VPS13B: variants seen among roughly 807,000 people sequenced by gnomAD.
VPS13B encodes the protein intermembrane lipid transfer protein VPS13B.
VPS13B carries 285 observed loss-of-function variants against 426.4 expected under a neutral mutation model. That is an observed-to-expected ratio of 0.67 (90% CI 0.61 to 0.74). The LOEUF (loss-of-function observed/expected upper bound fraction) is 0.74. Ranked by LOEUF, VPS13B falls within the 30% of genes least tolerant of loss-of-function variation. The pLI, the probability that VPS13B is intolerant of heterozygous loss-of-function variation, is 0.00. For missense variants in VPS13B, 4,537 were observed against 4,782.6 expected (o/e 0.95, Z 1.51); for synonymous variants, 1,676 against 1,676.4 (o/e 1.00, Z 0.01).
intron 2 of VPS13B, among the ~76,000 whole-genome samples, chr8:99,024,942 T>C (rs191301212): frequency 1.6e-4 from 24 of 152,338 alleles, no homozygotes; most frequent in Admixed American, 1.5e-3. Flanking sequence ...TTCTAATTTC[T>C]TTGTGTCTTC....
At chr8:99,785,727 G>A (rs1812224834) in intron 43 of VPS13B, among the ~76,000 whole-genome samples, 1 of 152,020 alleles carries the variant, frequency 6.6e-6, no homozygotes, top group Admixed American at 6.6e-5. Flanking sequence ...ACAAAAGTGA[G>A]AGCATACAGG....
intron 19 of VPS13B, among the ~76,000 whole-genome samples, chr8:99,383,479 GATGTA>G (rs1474631747): frequency 1.3e-5 from 2 of 152,074 alleles, no homozygotes; most frequent in Admixed American, 1.3e-4. Context: ...CTTTTAATGA[GATGTA>G]ATTCACTTTC....
At chr8:99,820,748 A>G (rs1373030082) in intron 49 of VPS13B, among the ~76,000 whole-genome samples, 1 of 152,214 alleles carries the variant, frequency 6.6e-6, no homozygotes, top group East Asian at 1.9e-4. Context: ...TTTAAAAAAT[A>G]GAGTAAAAGT....
intron 3 of VPS13B, among the ~76,000 whole-genome samples, chr8:99,089,120 A>G (rs147136277): frequency 1.4e-3 from 210 of 152,268 alleles, no homozygotes; most frequent in Non-Finnish European, 2.5e-3. Context: ...TGGGCATTTA[A>G]TAGCTGTGTG....
intron 61 of VPS13B, chr8:99,873,370 T>C (rs1314718239): frequency 2.0e-5 from 3 of 152,030 alleles, no homozygotes; most frequent in East Asian, 1.9e-4. Flanking sequence ...GTTGCTGAGA[T>C]TATTGGGATT....
Position 99,586,271 on chromosome 8 carries a change from A to G in VPS13B, c.5220+8638A>G, listed in dbSNP as rs138892021. Among the ~76,000 whole-genome samples, 15 of 152,260 alleles carry G rather than the reference A, an allele frequency of 9.9e-5. No homozygotes were observed. The East Asian group carries it at 2.9e-3, about 29-fold the overall frequency. ...TGATAACTTCTTCTCTTAAATCCAC[A>G]TGATTTTTCTGATGGAATCCTTGCT... On this transcript the variant is annotated intron_variant, in intron 33 of 61. Transcript: ENST00000357162.
rs139487999 is a variant in VPS13B at position 99,243,011 on chromosome 8, T to C, written c.2516-31187T>C. Among the ~76,000 whole-genome samples the C allele has an allele frequency of 4.6e-5, 7 of 152,294 alleles. No homozygotes were observed. In the East Asian group the frequency reaches 1.2e-3, roughly 25 times the overall value. ...GGAAAGGCCTGAGCTTTTAGCATTG[T>C]CCCTTAGCCTTAAAGTCTAAATTTT... On this transcript the variant is annotated intron_variant, in intron 17 of 61. Coordinates refer to ENST00000357162, the MANE Select transcript of VPS13B (RefSeq NM_152564.5).
chr8:99,327,849 TATTC>T (rs1324063982), intron 19 of VPS13B, among the ~76,000 whole-genome samples: 1 of 152,344 alleles, frequency 6.6e-6, no homozygotes, highest in Non-Finnish European at 1.5e-5. Context: ...TTATGAGTCT[TATTC>T]ATCCTGTTTT....
intron 19 of VPS13B, among the ~76,000 whole-genome samples, chr8:99,368,821 C>T (rs1282484104): frequency 6.6e-6 from 1 of 152,150 alleles, no homozygotes. Context: ...GTATTTCATG[C>T]TCCCAGAATA....
intron 3 of VPS13B, among the ~76,000 whole-genome samples, chr8:99,070,936 T>C (rs1461863028): frequency 6.6e-6 from 1 of 152,134 alleles, no homozygotes; most frequent in Admixed American, 6.6e-5. Flanking sequence ...TTCTGCTTGA[T>C]TTCCAAAAAT....
At chr8:99,864,053 C>T (rs1009655586) in intron 58 of VPS13B, among the ~76,000 whole-genome samples, 3 of 152,176 alleles carry the variant, frequency 2.0e-5, no homozygotes, top group African/African-American at 7.2e-5. Flanking sequence ...TTCATGTACT[C>T]TTTGGGTTAT....
chr8:99,874,001 CA>C (rs1305222071), intron 61 of VPS13B, among the ~76,000 whole-genome samples: 1 of 152,208 alleles, frequency 6.6e-6, no homozygotes, highest in African/African-American at 2.4e-5. Context: ...TGACATCATG[CA>C]GTACATTTAA....
intron 35 of VPS13B, among the ~76,000 whole-genome samples, chr8:99,679,446 T>C (rs1330839002): frequency 6.6e-6 from 1 of 152,176 alleles, no homozygotes; most frequent in Non-Finnish European, 1.5e-5. Context: ...TTAGAACTTT[T>C]GTGTTGTGAT....
At chr8:99,863,769 C>A (rs1002388085) in intron 58 of VPS13B, among the ~76,000 whole-genome samples, 1 of 152,132 alleles carries the variant, frequency 6.6e-6, no homozygotes, top group Non-Finnish European at 1.5e-5. Flanking sequence ...ATATCCTTAT[C>A]CATGTGAGGG....
chr8:99,448,201 T>TA (rs1818023186), intron 23 of VPS13B, among the ~76,000 whole-genome samples: 4 of 150,536 alleles, frequency 2.7e-5, no homozygotes, highest in African/African-American at 7.3e-5. Flanking sequence ...ATTTTGAACT[T>TA]AAAAAAAATC....
chr8:99,182,316 C>T (rs900651384), intron 16 of VPS13B, among the ~76,000 whole-genome samples: 1 of 151,888 alleles, frequency 6.6e-6, no homozygotes, highest in Non-Finnish European at 1.5e-5. Flanking sequence ...TCTAAATTGC[C>T]TTTGGGAGGA....
chr8:99,363,836 G>T (rs1812695293), intron 19 of VPS13B, among the ~76,000 whole-genome samples: 5 of 152,104 alleles, frequency 3.3e-5, no homozygotes, highest in Admixed American at 3.3e-4. Context: ...CAGCTTTACT[G>T]AATTTATCAG....
At chr8:99,846,542 C>T (rs1815993712) in intron 54 of VPS13B, among the ~76,000 whole-genome samples, 1 of 152,186 alleles carries the variant, frequency 6.6e-6, no homozygotes, top group African/African-American at 2.4e-5. Flanking sequence ...CTAGAGCTGC[C>T]ATCATGCAAA....
intron 19 of VPS13B, among the ~76,000 whole-genome samples, chr8:99,354,314 A>G (rs1319270185): frequency 3.4e-5 from 1 of 29,128 alleles, no homozygotes; most frequent in Middle Eastern, 0.023. Context: ...TTGGTATTTC[A>G]GAGTCTGTGC....
Sources: gnomAD v4.1 joint callset for allele counts (sites outside exome capture counted in the v4.1 genomes callset) on GRCh38, gnomAD v4.1.1 for gene constraint, MANE v1.5 for transcripts, NCBI Gene and HGNC (gene_info 2026-07-23, HGNC 2026-07-21) for gene names.